Variants in C12orf42 observed in about 807,000 individuals in gnomAD.
C12orf42 encodes the protein chromosome 12 open reading frame 42.
C12orf42 carries 25 observed loss-of-function variants against 21.6 expected under a neutral mutation model. The ratio of observed to expected loss-of-function variants is 1.16; its 90% CI spans 0.84 to 1.62. C12orf42 has a LOEUF of 1.62. Ranked by LOEUF, C12orf42 falls within the 40% of genes most tolerant of loss-of-function variation. C12orf42 has a pLI of 0.00. For synonymous variants in C12orf42, 174 were observed against 175.0 expected (o/e 0.99, Z 0.05); for missense variants, 483 against 459.3 (o/e 1.05, Z -0.47).
chr12:103,173,637 C>G, the C12orf42 span, among the ~76,000 whole-genome samples: 1 of 152,194 alleles, frequency 6.6e-6, no homozygotes, highest in Non-Finnish European at 1.5e-5. Flanking sequence ...GACCTCCACT[C>G]CTTCTTCTTA....
chr12:103,287,802 G>C (rs901987679), intron 4 of C12orf42, among the ~76,000 whole-genome samples: 1 of 151,746 alleles, frequency 6.6e-6, no homozygotes, highest in Non-Finnish European at 1.5e-5. Context: ...CACACAGAGA[G>C]AGAAAGAGAG....
chr12:103,469,780 A>T (rs1953444229), intron 2 of C12orf42, among the ~76,000 whole-genome samples: 1 of 152,240 alleles, frequency 6.6e-6, no homozygotes, highest in Non-Finnish European at 1.5e-5. Flanking sequence ...CATCGATTAG[A>T]CAGTGTGTTC....
the C12orf42 span, among the ~76,000 whole-genome samples, chr12:103,223,803 C>T: frequency 3.9e-5 from 6 of 152,140 alleles, no homozygotes; most frequent in African/African-American, 7.2e-5. Context: ...TGTAGCATTC[C>T]GAGGACAGGC....
the C12orf42 span, among the ~76,000 whole-genome samples, chr12:103,053,176 T>A: frequency 6.6e-6 from 1 of 151,958 alleles, no homozygotes; most frequent in Non-Finnish European, 1.5e-5. Flanking sequence ...AATTTTATTT[T>A]AATTTTGAGA....
chr12:103,330,661 T>C (rs984945501), intron 4 of C12orf42, among the ~76,000 whole-genome samples: 5 of 152,220 alleles, frequency 3.3e-5, no homozygotes, highest in Admixed American at 1.3e-4. Context: ...TCCAGGAGTA[T>C]TATTTTTTGG....
chr12:103,214,205 G>T, the C12orf42 span, among the ~76,000 whole-genome samples: 1 of 152,164 alleles, frequency 6.6e-6, no homozygotes, highest in East Asian at 1.9e-4. Context: ...CTGGATGCTT[G>T]TGCCTTAGAA....
At chr12:103,424,078 A>G (rs1160103069) in intron 2 of C12orf42, among the ~76,000 whole-genome samples, 1 of 152,232 alleles carries the variant, frequency 6.6e-6, no homozygotes, top group African/African-American at 2.4e-5. Context: ...GGACATTGCA[A>G]CTTAACTTAC....
chr12:103,299,880 T>A (rs1463244297), downstream of C12orf42, among the ~76,000 whole-genome samples: 1 of 152,196 alleles, frequency 6.6e-6, no homozygotes, highest in Non-Finnish European at 1.5e-5. Flanking sequence ...ATGCTTCTCA[T>A]CCATCACTAA....
the C12orf42 span, among the ~76,000 whole-genome samples, chr12:103,140,007 C>T: frequency 2.0e-5 from 3 of 152,124 alleles, no homozygotes; most frequent in Admixed American, 6.6e-5. Context: ...CTGAAATAAT[C>T]GCCAAAGTAC....
intron 6 of C12orf42, among the ~76,000 whole-genome samples, chr12:103,269,494 C>T (rs1457344014): frequency 6.6e-6 from 1 of 152,150 alleles, no homozygotes; most frequent in Non-Finnish European, 1.5e-5. Flanking sequence ...CAGTCTATTT[C>T]ATTAATATCC....
chr12:103,403,821 GC>G (rs149792766), intron 2 of C12orf42, among the ~76,000 whole-genome samples: 2,420 of 152,240 alleles, frequency 0.016, 37 homozygotes, highest in Non-Finnish European at 0.026. Context: ...GTCAACCTTT[GC>G]CCAGGGCAGT....
At chr12:103,166,770 T>G in the C12orf42 span, among the ~76,000 whole-genome samples, 1 of 152,218 alleles carries the variant, frequency 6.6e-6, no homozygotes, top group Non-Finnish European at 1.5e-5. Context: ...TATGATGAGA[T>G]GGGTAAATAT....
chr12:103,478,708 A>G (rs1374402401), intron 1 of C12orf42, among the ~76,000 whole-genome samples: 1 of 151,476 alleles, frequency 6.6e-6, no homozygotes, highest in East Asian at 1.9e-4. Context: ...ACTTTTCTGC[A>G]TAAAGTTCTT....
intron 3 of C12orf42, among the ~76,000 whole-genome samples, chr12:103,387,710 A>G (rs957674091): frequency 6.6e-6 from 1 of 152,204 alleles, no homozygotes; most frequent in Non-Finnish European, 1.5e-5. Context: ...CTAATACTGG[A>G]AACTATCTTT....
At chr12:103,454,690 G>T (rs1952172998) in intron 2 of C12orf42, among the ~76,000 whole-genome samples, 1 of 152,062 alleles carries the variant, frequency 6.6e-6, no homozygotes. Flanking sequence ...GCTGAAACTT[G>T]TCTTAAATGT....
At chr12:103,488,317 TCTG>T (rs1954970714) in intron 1 of C12orf42, among the ~76,000 whole-genome samples, 1 of 152,232 alleles carries the variant, frequency 6.6e-6, no homozygotes, top group Non-Finnish European at 1.5e-5. Flanking sequence ...TGCCGAGATA[TCTG>T]CTGTTAGTCT....
At chr12:103,404,506 A>C (rs1256199020) in intron 2 of C12orf42, among the ~76,000 whole-genome samples, 2 of 152,250 alleles carry the variant, frequency 1.3e-5, no homozygotes, top group Non-Finnish European at 2.9e-5. Flanking sequence ...AATGAAAGCA[A>C]AATTAAACCA....
chr12:103,302,551 C>T lies in C12orf42; in HGVS notation c.640G>A (p.Ala214Thr), dbSNP rs369075296. The change falls in exon 6 of 6, where the codon GCC becomes ACC. Residue 214 changes from alanine to threonine, a missense_variant. Physicochemically the swap from Ala to Thr is moderately conservative, Grantham distance 58 (BLOSUM62 0). Coordinates refer to ENST00000548883, the MANE Select transcript of C12orf42 (RefSeq NM_198521.5). ...SSPKKNSGSA[A>T]RPSTAIGLCR... ...AGGCCGATGGCAGTGGAAGGTCTGGCGGCAGAACCTGGAAGGCAAAGCAGG... is the reference window on the plus strand; with the variant it reads ...AGGCCGATGGCAGTGGAAGGTCTGGTGGCAGAACCTGGAAGGCAAAGCAGG... The T allele has an allele frequency of 1.9e-6, 3 of 1,605,304 alleles. No individual in the cohort carries two copies. The highest frequency in any genetic ancestry group is 2.6e-6 in the Non-Finnish European group (3 of 1,176,172).
chr12:103,324,092 G>A (rs1393086741), intron 4 of C12orf42, among the ~76,000 whole-genome samples: 1 of 152,138 alleles, frequency 6.6e-6, no homozygotes, highest in Non-Finnish European at 1.5e-5. Flanking sequence ...TCTTTAGGTA[G>A]CAGTTGTTGA....
Sources: allele counts gnomAD v4.1 joint callset (sites outside exome capture counted in the v4.1 genomes callset), GRCh38; gene constraint gnomAD v4.1.1; transcripts MANE v1.5; gene names NCBI Gene and HGNC (gene_info 2026-07-23, HGNC 2026-07-21).